EIF3B: variants seen among roughly 807,000 people sequenced by gnomAD.
The protein encoded by EIF3B is eukaryotic translation initiation factor 3 subunit 9.
EIF3B carries 10 observed loss-of-function variants against 104.6 expected under a neutral mutation model. The ratio of observed to expected loss-of-function variants is 0.10; its 90% CI spans 0.06 to 0.16. EIF3B has a LOEUF of 0.16. Among genes scored for constraint, EIF3B ranks in the 10% least tolerant of loss-of-function variants. The pLI is 1.00. For synonymous variants in EIF3B, 542 were observed against 417.2 expected (o/e 1.30, Z -3.65); for missense variants, 1,014 against 1,087.9 (o/e 0.93, Z 0.96).
intron 1 of EIF3B, among the ~76,000 whole-genome samples, chr7:2,357,364 G>C (rs940187289): frequency 2.6e-5 from 4 of 152,146 alleles, no homozygotes; most frequent in Non-Finnish European, 4.4e-5. Context: ...ACTTTGTCAT[G>C]GCCCTCCTGG....
intron 1 of EIF3B, among the ~76,000 whole-genome samples, chr7:2,355,953 A>G (rs770327840): frequency 1.3e-5 from 2 of 151,890 alleles, no homozygotes; most frequent in Non-Finnish European, 2.9e-5. Flanking sequence ...TTCCAGTTTG[A>G]TTTTTCTTTA....
chr7:2,358,940 T>TG (rs1265367778), intron 1 of EIF3B, among the ~76,000 whole-genome samples: 1 of 151,946 alleles, frequency 6.6e-6, no homozygotes, highest in Non-Finnish European at 1.5e-5. Flanking sequence ...TTAATCTCAG[T>TG]GGGGGTGGCA....
At chr7:2,378,985 G>A (rs780740100) in intron 16 of EIF3B, 149 bp from the exon 17 acceptor site, 17 of 778,866 alleles carry the variant, frequency 2.2e-5, no homozygotes, top group South Asian at 3.6e-5. Flanking sequence ...GGCAGCGTTG[G>A]GGGAAAAGTG....
intron 8 of EIF3B, 21 bp downstream of exon 8, chr7:2,366,612 C>T (rs762487716): frequency 1.2e-6 from 2 of 1,613,754 alleles, no homozygotes; most frequent in African/African-American, 1.3e-5. Flanking sequence ...TCAGTGATGG[C>T]AAACGCCCCG....
rs1487911603 is a variant in EIF3B, at chr7:2,354,856, G to C, written c.-66G>C. The stretch of plus-strand genomic sequence containing the variant: ...CTGGGCTGTAGCCGTCGCGGCGCGC[G>C]GTGCGGCCTGGGAGAGTCGGAAGCG... On this transcript the variant is annotated 5_prime_UTR_variant, in exon 1 of 19. Transcript: ENST00000360876. 1 of 1,075,808 alleles carries C rather than the reference G, an allele frequency of 9.3e-7. No individual in the cohort carries two copies. Among genetic ancestry groups the C allele is most frequent in the African/African-American group, 1.7e-5 (1 of 59,164 alleles). 66.6% of individuals were successfully genotyped at this position (1,075,808 alleles called of 1,614,324 possible).
chr7:2,362,575 G>A, intron 2 of EIF3B, 70 bp from the exon 3 acceptor site: 5 of 1,587,896 alleles, frequency 3.1e-6, no homozygotes, highest in African/African-American at 2.7e-5. Context: ...GTGGAGAGGG[G>A]TGGGGCGGAC....
chr7:2,365,684 T>G (rs1390565410), intron 6 of EIF3B, among the ~76,000 whole-genome samples: 6 of 131,914 alleles, frequency 4.5e-5, no homozygotes, highest in East Asian at 4.1e-4. Flanking sequence ...TGTTTTGTTT[T>G]TTTTTTTTTT....
intron 11 of EIF3B, 117 bp from the exon 12 acceptor site, chr7:2,372,556 G>A: frequency 7.5e-7 from 1 of 1,332,940 alleles, no homozygotes; most frequent in Non-Finnish European, 1.0e-6. Context: ...TCCTTTTAAT[G>A]AACTTTTACA....
At chr7:2,376,756 C>T (rs1231267652) in intron 14 of EIF3B, 194 bp from the exon 15 acceptor site, 12 of 689,080 alleles carry the variant, frequency 1.7e-5, no homozygotes, top group Non-Finnish European at 2.8e-5. Flanking sequence ...CCGTGCCCCG[C>T]ACTCCGGGTC....
Position 2,368,897 on chromosome 7 carries a change from A to G in EIF3B, c.1404-575A>G, listed in dbSNP as rs1026792512. On this transcript the variant is annotated intron_variant, in intron 9 of 18. Coordinates refer to ENST00000360876, the MANE Select transcript of EIF3B (RefSeq NM_001037283.2). ...GGCAAAATTATGGCTTATAAAATGA[A>G]AAGACCAGGACGTTGGTTCTCAAAA... is the stretch of plus-strand genomic sequence containing the variant. Among the ~76,000 whole-genome samples the G allele has an allele frequency of 2.6e-5, 4 of 152,358 alleles. No individual in the cohort carries two copies. The South Asian group carries it at 8.3e-4, about 32-fold the overall frequency.
Position 2,378,323 on chromosome 7 carries a change from A to G in EIF3B, c.2155-366A>G, listed in dbSNP as rs545392126. On this transcript the variant is annotated intron_variant, in intron 15 of 18. Coordinates refer to ENST00000360876, the MANE Select transcript of EIF3B (RefSeq NM_001037283.2). ...GAAGGAACAGGCGAGCGTTCCTGGG[A>G]TGCTGTGTTGTGTGAATGACCCTTG... 38 of 241,488 alleles carry G rather than the reference A, an allele frequency of 1.6e-4. 1 individual carries two copies. Among genetic ancestry groups the G allele is most frequent in the African/African-American group, 1.1e-3 (37 of 34,396 alleles). 15.0% of individuals were successfully genotyped at this position (241,488 alleles called of 1,614,324 possible).
chr7:2,354,860 C>T lies in EIF3B; in HGVS notation c.-62C>T. ...GCTGTAGCCGTCGCGGCGCGCGGTG[C>T]GGCCTGGGAGAGTCGGAAGCGCGGC... On this transcript the variant is annotated 5_prime_UTR_variant, in exon 1 of 19. Coordinates refer to ENST00000360876, the MANE Select transcript of EIF3B (RefSeq NM_001037283.2). 3 of 1,082,698 alleles carry T rather than the reference C, an allele frequency of 2.8e-6. No homozygotes were observed. The highest frequency in any genetic ancestry group is 4.0e-5 in the South Asian group (1 of 24,714). The allele number at this position is 1,082,698 out of a possible 1,614,324, so 67.1% of individuals were successfully genotyped here.
intron 6 of EIF3B, among the ~76,000 whole-genome samples, chr7:2,365,655 G>T (rs10252837): frequency 0.8 from 115,198 of 144,280 alleles, 46,152 homozygotes; most frequent in African/African-American, 0.9. Flanking sequence ...TTGTTTTTTT[G>T]TTTGTTTGTT....
Position 2,364,445 on chromosome 7 carries a change from C to T in EIF3B, c.1073C>T (p.Ala358Val). ...GCTACCTTTCATCAAAGAGGCATTG[C>T]TCTATGGGGGGGAGAGAAATTCAAG... ...YLATFHQRGI[A>V]LWGGEKFKQI... The change falls in exon 6 of 19, where the codon GCT (alanine) becomes GTT (valine). Residue 358 changes from alanine to valine, a missense_variant. Ala to Val is a moderately conservative substitution (Grantham distance 64). Transcript: ENST00000360876. 6.2e-7 allele frequency: 1 copy of T among 1,613,392 alleles called. No homozygotes were observed. Among genetic ancestry groups the T allele is most frequent in the Non-Finnish European group, 8.5e-7 (1 of 1,179,740 alleles).
chr7:2,374,442 TGAGCACGGCCAA>T, intron 12 of EIF3B, 74 bp from the exon 13 acceptor site: 1 of 1,353,078 alleles, frequency 7.4e-7, no homozygotes. Flanking sequence ...ATGGGCAGCA[TGAGCACGGCCAA>T]GTCCTCCAGC....
intron 9 of EIF3B, among the ~76,000 whole-genome samples, chr7:2,367,504 C>A (rs144712604): frequency 5.3e-5 from 8 of 152,290 alleles, no homozygotes; most frequent in Admixed American, 5.2e-4. Context: ...GACAGAGTCT[C>A]GCTCCGTCAG....
chr7:2,370,930 G>T (rs369206462), intron 10 of EIF3B, among the ~76,000 whole-genome samples: 2 of 152,298 alleles, frequency 1.3e-5, no homozygotes, highest in East Asian at 3.9e-4. Context: ...AGGCGTGGTG[G>T]CGGGTGCCTG....
intron 1 of EIF3B, among the ~76,000 whole-genome samples, chr7:2,356,103 G>T (rs758218960): frequency 6.6e-6 from 1 of 152,240 alleles, no homozygotes; most frequent in South Asian, 2.1e-4. Context: ...TTTTCCTGAA[G>T]CTACTTCTGA....
Position 2,362,641 on chromosome 7 carries a change from T to C in EIF3B, c.693-4T>C, listed in dbSNP as rs768254136. 3 of 1,614,198 alleles carry C rather than the reference T, an allele frequency of 1.9e-6. No individual in the cohort carries two copies. Among genetic ancestry groups the C allele is most frequent in the Non-Finnish European group, 2.5e-6 (3 of 1,180,042 alleles). ...GTATGTGCCAACGGCCCTCTCTCACTCAGGTATATTTTCCTGGAGTACGCG... is the reference window on the plus strand; with the variant it reads ...GTATGTGCCAACGGCCCTCTCTCACCCAGGTATATTTTCCTGGAGTACGCG... On this transcript the variant is annotated splice_polypyrimidine_tract_variant and splice_region_variant and intron_variant, in intron 2 of 18. Transcript: ENST00000360876.
Sources: allele counts gnomAD v4.1 joint callset (sites outside exome capture counted in the v4.1 genomes callset), GRCh38; gene constraint gnomAD v4.1.1; transcripts MANE v1.5; gene names NCBI Gene and HGNC (gene_info 2026-07-23, HGNC 2026-07-21).